MOSMO: variants seen among roughly 807,000 people sequenced by gnomAD.
MOSMO encodes the protein modulator of smoothened protein.
Under a neutral mutation model 18.4 loss-of-function variants are expected in MOSMO, and 5 were observed. The ratio of observed to expected loss-of-function variants is 0.27; its 90% CI spans 0.14 to 0.57. The LOEUF is 0.57. Ranked by LOEUF, MOSMO falls within the 20% of genes least tolerant of loss-of-function variation. The pLI is 0.92. For missense variants in MOSMO, 138 were observed against 211.8 expected, an observed-to-expected ratio of 0.65 and a Z score of 2.16; for synonymous variants, 82 against 82.3, an observed-to-expected ratio of 1.00 and a Z score of 0.02.
rs545276737 is a variant in MOSMO at position 22,062,505 on chromosome 16, T to C, written c.107-12982T>C. ...GCCCGGCTGATTTTTTTAGTTTTTGTAGAGATAAAGTCCCAGTGTGTTGCC... is the reference window on the plus strand; with the variant it reads ...GCCCGGCTGATTTTTTTAGTTTTTGCAGAGATAAAGTCCCAGTGTGTTGCC... On this transcript the variant is annotated intron_variant, in intron 1 of 2. Transcript: ENST00000542527. Among the ~76,000 whole-genome samples the C allele has an allele frequency of 1.6e-4, 25 of 152,164 alleles. No homozygotes were observed. In the East Asian group the frequency reaches 4.5e-3, roughly 27 times the overall value.
chr16:22,076,477 A>G (rs1900970753), intron 2 of MOSMO: 1 of 152,204 alleles, frequency 6.6e-6, no homozygotes, highest in Admixed American at 6.5e-5. Context: ...ACGTCCTACA[A>G]ATACATAGGA....
intron 1 of MOSMO, among the ~76,000 whole-genome samples, chr16:22,015,363 C>T (rs111366779): frequency 1.6e-3 from 240 of 152,132 alleles, no homozygotes; most frequent in South Asian, 7.9e-3. Context: ...TATAGATGCA[C>T]GCTGCCACAC....
intron 1 of MOSMO, among the ~76,000 whole-genome samples, chr16:22,071,154 A>C (rs1349145203): frequency 6.6e-6 from 1 of 152,174 alleles, no homozygotes; most frequent in Non-Finnish European, 1.5e-5. Context: ...CCAAGGAGGA[A>C]GTAGAGCAAG....
chr16:22,059,599 G>T (rs1900603470), intron 1 of MOSMO, among the ~76,000 whole-genome samples: 1 of 152,188 alleles, frequency 6.6e-6, no homozygotes. Context: ...AGGTGAAGGG[G>T]AAGCAAGGCA....
chr16:22,076,793 T>G (rs117469482), intron 2 of MOSMO, among the ~76,000 whole-genome samples: 3,610 of 152,346 alleles, frequency 0.024, 60 homozygotes, highest in Non-Finnish European at 0.037. Flanking sequence ...AGCCTCTGTT[T>G]CTTCCTGTAT....
chr16:22,016,697 T>C (rs919362103), intron 1 of MOSMO, among the ~76,000 whole-genome samples: 4 of 152,212 alleles, frequency 2.6e-5, no homozygotes, highest in African/African-American at 7.2e-5. Flanking sequence ...GCCAAGTCCC[T>C]GTCCTACTAT....
chr16:22,058,977 A>G (rs1426106185), intron 1 of MOSMO, among the ~76,000 whole-genome samples: 1 of 152,178 alleles, frequency 6.6e-6, no homozygotes, highest in African/African-American at 2.4e-5. Flanking sequence ...TATAATTTTT[A>G]TTCTGAACAG....
chr16:22,033,991 A>G (rs768821313), intron 1 of MOSMO, among the ~76,000 whole-genome samples: 2 of 152,218 alleles, frequency 1.3e-5, no homozygotes, highest in South Asian at 2.1e-4. Context: ...ACTCCAGTAC[A>G]TACTGGTTTT....
At chr16:22,047,378 G>A (rs181250060) in intron 1 of MOSMO, among the ~76,000 whole-genome samples, 1 of 151,676 alleles carries the variant, frequency 6.6e-6, no homozygotes, top group East Asian at 1.9e-4. Context: ...CGGAGTAGCT[G>A]GGACTACAGG....
In MOSMO at chr16:22,080,769, T is replaced by C. The variant is rs112947281; in HGVS notation, c.393T>C (p.Tyr131=). 4.0e-6 allele frequency: 6 copies of C among 1,504,100 alleles called. No homozygotes were observed. In the African/African-American group the frequency reaches 7.1e-5, roughly 18 times the overall value. The allele number at this position is 1,504,100 out of a possible 1,614,324, so 93.2% of individuals were successfully genotyped here. The change falls in exon 3 of 3, where the codon TAT becomes TAC. Residue 131 remains tyrosine, a synonymous_variant. Transcript: ENST00000542527. The part of the protein sequence containing the change: ...FYINEVGGQP[Y]KLPNNTVVGS... The stretch of plus-strand genomic sequence containing the variant: ...TCAATGAAGTCGGAGGTCAACCTTA[T>C]AAATTACCCAACAACACAGTAGTTG...
chr16:22,081,014 G>T lies in MOSMO; in HGVS notation c.*134G>T. 1 of 354,542 alleles carries T rather than the reference G, an allele frequency of 2.8e-6. No individual in the cohort carries two copies. Among genetic ancestry groups the T allele is most frequent in the Non-Finnish European group, 4.9e-6 (1 of 205,176 alleles). 22.0% of individuals were successfully genotyped at this position (354,542 alleles called of 1,614,324 possible). A position where few individuals can be genotyped will look rare whatever the true frequency, so the allele number is the denominator to read the frequency against. ...AAGATGCTCAGATGAAACTGATGCT[G>T]AGAAGGAAAAAAAAATGCTTTGGTT... On this transcript the variant is annotated 3_prime_UTR_variant, in exon 3 of 3. Coordinates refer to ENST00000542527, the MANE Select transcript of MOSMO (RefSeq NM_001164579.2).
At chr16:22,092,137 C>T (rs1020267375), downstream of MOSMO, 2 of 153,118 alleles carry the variant, frequency 1.3e-5, no homozygotes, top group African/African-American at 2.4e-5. Flanking sequence ...GGATAGGGGA[C>T]TGTCTGACCT....
intron 1 of MOSMO, among the ~76,000 whole-genome samples, chr16:22,055,320 TG>T (rs1900511310): frequency 6.6e-6 from 1 of 152,196 alleles, no homozygotes; most frequent in Non-Finnish European, 1.5e-5. Flanking sequence ...GTCAACACAC[TG>T]CTTCTGGGTA....
Position 22,027,102 on chromosome 16 carries a change from G to A in MOSMO, c.106+18695G>A, listed in dbSNP as rs565362163. Among the ~76,000 whole-genome samples, 130 of 152,272 alleles carry A rather than the reference G, an allele frequency of 8.5e-4. 1 individual carries two copies. Among genetic ancestry groups the A allele is most frequent in the African/African-American group, 2.4e-3 (99 of 41,554 alleles). ...TAGGATTTCAATATAATTTTAAAAG[G>A]AAGTAAGGTGGGCAATCAGATTAAT... On this transcript the variant is annotated intron_variant, in intron 1 of 2. Coordinates refer to ENST00000542527, the MANE Select transcript of MOSMO (RefSeq NM_001164579.2).
At chr16:22,014,137 AGAGAT>A (rs1899591455) in intron 1 of MOSMO, among the ~76,000 whole-genome samples, 1 of 152,064 alleles carries the variant, frequency 6.6e-6, no homozygotes, top group Admixed American at 6.6e-5. Context: ...ATGACAGAGG[AGAGAT>A]GAGTGCTTCC....
chr16:22,016,166 C>T (rs566704184), intron 1 of MOSMO, among the ~76,000 whole-genome samples: 50 of 152,190 alleles, frequency 3.3e-4, no homozygotes, highest in Non-Finnish European at 1.9e-4. Flanking sequence ...AGGCATATCT[C>T]TATTTGATTC....
chr16:22,055,078 C>T (rs1900505969), intron 1 of MOSMO, among the ~76,000 whole-genome samples: 1 of 152,088 alleles, frequency 6.6e-6, no homozygotes, highest in African/African-American at 2.4e-5. Context: ...CTCTAGCCCA[C>T]TGAAAAGTCT....
rs983909154 is a variant in MOSMO, at chr16:22,084,401, C to T, written c.*3521C>T. The T allele has an allele frequency of 3.9e-5, 6 of 151,974 alleles. No individual in the cohort carries two copies. Among genetic ancestry groups the T allele is most frequent in the Non-Finnish European group, 7.4e-5 (5 of 67,958 alleles). 9.4% of individuals were successfully genotyped at this position (151,974 alleles called of 1,614,324 possible). Reference sequence around the variant, plus strand: ...AAAAACATGAAGGAAAAAAGTGGCCCGTGTAGGTAGGATTCCCTACACAGG... The same window carrying T: ...AAAAACATGAAGGAAAAAAGTGGCCTGTGTAGGTAGGATTCCCTACACAGG... On this transcript the variant is annotated 3_prime_UTR_variant, in exon 3 of 3. Transcript: ENST00000542527.
At chr16:22,019,069 A>G (rs374919124) in intron 1 of MOSMO, among the ~76,000 whole-genome samples, 20 of 152,208 alleles carry the variant, frequency 1.3e-4, no homozygotes, top group African/African-American at 4.8e-4. Context: ...AGACAGCCTC[A>G]TGAAAATACA....
Sources: allele counts gnomAD v4.1 joint callset (sites outside exome capture counted in the v4.1 genomes callset), GRCh38; gene constraint gnomAD v4.1.1; transcripts MANE v1.5; gene names NCBI Gene and HGNC (gene_info 2026-07-23, HGNC 2026-07-21).